Variants in TTLL11 observed in about 807,000 individuals in gnomAD.
TTLL11 encodes tubulin polyglutamylase TTLL11.
TTLL11 carries 42 observed loss-of-function variants against 51.7 expected under a neutral mutation model. The ratio of observed to expected loss-of-function variants is 0.81; its 90% CI spans 0.64 to 1.05. The LOEUF is 1.05. TTLL11 is among the 50% of genes least tolerant of loss of function. The pLI, the probability that TTLL11 is intolerant of heterozygous loss-of-function variation, is 0.00. For synonymous variants in TTLL11, 381 were observed against 383.5 expected (o/e 0.99, Z 0.08); for missense variants, 799 against 940.4 (o/e 0.85, Z 1.97).
intron 8 of TTLL11, among the ~76,000 whole-genome samples, chr9:121,826,217 T>TATAC (rs1491163835): frequency 0.11 from 6,662 of 57,972 alleles, 895 homozygotes; most frequent in East Asian, 0.26. Flanking sequence ...TATATATATA[T>TATAC]GCACACATAT....
chr9:121,918,217 G>A (rs1045391856), intron 6 of TTLL11, among the ~76,000 whole-genome samples: 5 of 152,218 alleles, frequency 3.3e-5, no homozygotes, highest in Middle Eastern at 6.3e-3. Context: ...ATCTTTGGCA[G>A]AGGGCTGGGC....
intron 8 of TTLL11, among the ~76,000 whole-genome samples, chr9:121,839,488 G>A (rs535608743): frequency 6.6e-6 from 1 of 152,198 alleles, no homozygotes; most frequent in Non-Finnish European, 1.5e-5. Context: ...GGCTCTGGGG[G>A]GCTCAGTGAT....
chr9:121,904,200 C>T (rs1162042913), intron 6 of TTLL11, among the ~76,000 whole-genome samples: 5 of 146,588 alleles, frequency 3.4e-5, no homozygotes, highest in African/African-American at 1.3e-4. Flanking sequence ...TTTTTTGAGA[C>T]GGAGTCTCGC....
chr9:122,037,011 A>G (rs1462211378), intron 2 of TTLL11, among the ~76,000 whole-genome samples: 1 of 152,236 alleles, frequency 6.6e-6, no homozygotes, highest in Non-Finnish European at 1.5e-5. Flanking sequence ...TGGAATGAAT[A>G]TCATTCTATC....
chr9:121,870,429 C>T (rs1434845407), intron 7 of TTLL11, 68 bp downstream of exon 7: 1 of 1,499,254 alleles, frequency 6.7e-7, no homozygotes, highest in African/African-American at 1.4e-5. Context: ...GGGAGACCCG[C>T]CAGCCAGATG....
chr9:121,946,469 A>G (rs1841670440), intron 6 of TTLL11, among the ~76,000 whole-genome samples: 1 of 152,224 alleles, frequency 6.6e-6, no homozygotes, highest in Non-Finnish European at 1.5e-5. Flanking sequence ...TGGGGCTTAC[A>G]GAGGCAGGGG....
In TTLL11 at chr9:121,853,806, C is replaced by T. The variant is rs1007762990; in HGVS notation, c.1840+6531G>A. Among the ~76,000 whole-genome samples the T allele has an allele frequency of 1.9e-4, 29 of 152,196 alleles. No homozygotes were observed. Among genetic ancestry groups the T allele is most frequent in the South Asian group, 2.1e-4 (1 of 4,824 alleles). ...TCAGCCACCAAGGGAGAGTCTGTTG[C>T]GGCCACGTCCTGACCCTCTCATCTG... On this transcript the variant is annotated intron_variant, in intron 8 of 8. Transcript: ENST00000321582. This position sits in a 1 kb window ranked among gnomAD's most constrained non-coding sequence, Gnocchi z 5.6.
In TTLL11 at chr9:122,092,951, G is replaced by A. The variant is rs1846306351; in HGVS notation, c.198C>T (p.Ala66=). The A allele has an allele frequency of 6.3e-7, 1 of 1,578,884 alleles. No homozygotes were observed. Among genetic ancestry groups the A allele is most frequent in the African/African-American group, 1.4e-5 (1 of 73,426 alleles). Residue 66 remains alanine, a synonymous_variant, in exon 1 of 9, where the codon GCC becomes GCT. Transcript: ENST00000321582. ...GEEQPKVLAP[A]PAQPSAAEEG... The stretch of plus-strand genomic sequence containing the variant: ...CCTCAGCCGCACTGGGCTGCGCCGG[G>A]GCCGGGGCCAGGACCTTGGGCTGCT...
chr9:121,847,664 CT>C (rs1370823378), intron 8 of TTLL11, among the ~76,000 whole-genome samples: 1 of 152,094 alleles, frequency 6.6e-6, no homozygotes, highest in Non-Finnish European at 1.5e-5. Context: ...TAATCAATAA[CT>C]TTTCAAAAAA....
chr9:121,920,524 C>T lies in TTLL11; in HGVS notation c.1482-49776G>A, dbSNP rs77079435. 1.0e-2 allele frequency among the ~76,000 whole-genome samples: 1,518 copies of T among 152,242 alleles called. 35 individuals carry two copies. The highest frequency in any genetic ancestry group is 0.035 in the African/African-American group (1,438 of 41,540). ...GCAAATCATCGGGAAGCAAATAGCC[C>T]ATCTTGCACATTTAGACCTAGTCTA... On this transcript the variant is annotated intron_variant, in intron 6 of 8. Coordinates refer to ENST00000321582, the MANE Select transcript of TTLL11 (RefSeq NM_001139442.2).
chr9:122,029,728 G>A (rs772557351), intron 3 of TTLL11, among the ~76,000 whole-genome samples: 2 of 152,112 alleles, frequency 1.3e-5, no homozygotes, highest in Non-Finnish European at 2.9e-5. Flanking sequence ...ATTTAGTGTA[G>A]CCTAAGTGTA....
At chr9:121,999,100 C>T (rs1843381745) in intron 3 of TTLL11, among the ~76,000 whole-genome samples, 1 of 152,200 alleles carries the variant, frequency 6.6e-6, no homozygotes, top group Non-Finnish European at 1.5e-5. Context: ...CCAGCTATCA[C>T]TGGAAGAGCC....
chr9:122,029,233 T>C (rs1844449440), intron 3 of TTLL11, among the ~76,000 whole-genome samples: 1 of 152,200 alleles, frequency 6.6e-6, no homozygotes, highest in Admixed American at 6.5e-5. Context: ...TTTACTATAG[T>C]ATACTTTTTA....
At chr9:122,035,108 C>T (rs1844667417) in intron 2 of TTLL11, among the ~76,000 whole-genome samples, 1 of 152,200 alleles carries the variant, frequency 6.6e-6, no homozygotes, top group Non-Finnish European at 1.5e-5. Flanking sequence ...GCGTCCTTTT[C>T]TTTGTTCTCT....
At position 121,822,985 on chromosome 9, in the gene TTLL11, C is replaced by A. The variant is rs1292507882; in HGVS notation, c.1841-106G>T. 2 of 1,269,002 alleles carry A rather than the reference C, an allele frequency of 1.6e-6. No homozygotes were observed. The highest frequency in any genetic ancestry group is 5.2e-5 in the East Asian group (2 of 38,444). The allele number at this position is 1,269,002 out of a possible 1,614,324, so 78.6% of individuals were successfully genotyped here. A position where few individuals can be genotyped will look rare whatever the true frequency, so the allele number is the denominator to read the frequency against. The stretch of plus-strand genomic sequence containing the variant: ...ATGTCAGCAAGAGCTAGCCCCGCTC[C>A]CCACCACCGTCTCCATTCCAGAAAC... On this transcript the variant is annotated intron_variant, in intron 8 of 8. Transcript: ENST00000321582. The surrounding 1 kb of genome is among the most constrained non-coding windows in gnomAD (Gnocchi z 5.8).
chr9:121,976,828 A>T (rs1285583150), intron 4 of TTLL11, among the ~76,000 whole-genome samples: 1 of 152,198 alleles, frequency 6.6e-6, no homozygotes, highest in Non-Finnish European at 1.5e-5. Flanking sequence ...GAAATTCAGT[A>T]GAAAATGTTG....
intron 1 of TTLL11, among the ~76,000 whole-genome samples, chr9:122,057,719 G>A (rs1845329456): frequency 6.6e-6 from 1 of 152,108 alleles, no homozygotes; most frequent in Admixed American, 6.5e-5. Context: ...TGAGACCACA[G>A]AACCAAAAGG....
At chr9:121,938,787 A>T (rs1164035758) in intron 6 of TTLL11, among the ~76,000 whole-genome samples, 1 of 152,242 alleles carries the variant, frequency 6.6e-6, no homozygotes, top group African/African-American at 2.4e-5. Context: ...AACATTTGAT[A>T]AGTTTCATAA....
intron 6 of TTLL11, among the ~76,000 whole-genome samples, chr9:121,948,563 A>G (rs1841749800): frequency 6.6e-6 from 1 of 152,164 alleles, no homozygotes; most frequent in South Asian, 2.1e-4. Flanking sequence ...AGGACTAAAC[A>G]AGCATTTAAC....
Sources: allele counts gnomAD v4.1 joint callset (sites outside exome capture counted in the v4.1 genomes callset), GRCh38; gene constraint gnomAD v4.1.1; non-coding constraint Gnocchi (gnomAD v3.1); transcripts MANE v1.5; gene names NCBI Gene and HGNC (gene_info 2026-07-23, HGNC 2026-07-21).